Variants in DLGAP2 observed in about 807,000 individuals in gnomAD.
The protein encoded by DLGAP2 is DLG associated protein 2.
In DLGAP2, 26 loss-of-function variants were observed where a neutral mutation model predicts 100.3. The ratio of observed to expected loss-of-function variants is 0.26; its 90% CI spans 0.19 to 0.36. The LOEUF is 0.36. DLGAP2 is among the 10% of genes least tolerant of loss of function. DLGAP2 has a pLI of 1.00. For synonymous variants in DLGAP2, 886 were observed against 630.1 expected, an observed-to-expected ratio of 1.41 and a Z score of -6.08; for missense variants, 1,858 against 1,453.2, an observed-to-expected ratio of 1.28 and a Z score of -4.53.
At chr8:958,233 G>C (rs1011054583) in intron 2 of DLGAP2, among the ~76,000 whole-genome samples, 5 of 152,118 alleles carry the variant, frequency 3.3e-5, no homozygotes, top group Non-Finnish European at 7.3e-5. Context: ...TTATATGTCT[G>C]AACAGTAATC....
chr8:1,330,092 G>A (rs1312070340), intron 3 of DLGAP2, among the ~76,000 whole-genome samples: 6 of 152,348 alleles, frequency 3.9e-5, no homozygotes, highest in Non-Finnish European at 7.3e-5. Context: ...ATGTGGGGTC[G>A]AGGTTTCTTT....
chr8:885,984 C>T (rs942103175), intron 1 of DLGAP2, among the ~76,000 whole-genome samples: 2 of 152,118 alleles, frequency 1.3e-5, no homozygotes, highest in African/African-American at 2.4e-5. Flanking sequence ...GGTACCAGTG[C>T]CTGTTTGTAT....
chr8:1,245,966 C>T (rs73168466), intron 2 of DLGAP2, among the ~76,000 whole-genome samples: 16,128 of 152,086 alleles, frequency 0.11, 989 homozygotes, highest in South Asian at 0.16. Flanking sequence ...AAGGCCTCAG[C>T]ATTTAGGAAA....
At chr8:1,203,105 T>G (rs1201710133) in intron 2 of DLGAP2, among the ~76,000 whole-genome samples, 1 of 144,210 alleles carries the variant, frequency 6.9e-6, no homozygotes, top group Non-Finnish European at 1.5e-5. Flanking sequence ...TCTCTTAGGG[T>G]TTTTGTTTGT....
chr8:1,410,695 A>G (rs1796703710), intron 3 of DLGAP2, among the ~76,000 whole-genome samples: 2 of 152,206 alleles, frequency 1.3e-5, no homozygotes, highest in African/African-American at 2.4e-5. Context: ...GGGACACCCC[A>G]TGGGCCTGCG....
Position 979,643 on chromosome 8 carries a change from C to G in DLGAP2, c.73+71677C>G, listed in dbSNP as rs547225113. Among the ~76,000 whole-genome samples, 38 of 152,322 alleles carry G rather than the reference C, an allele frequency of 2.5e-4. 3 individuals are homozygous for G. The highest frequency in any genetic ancestry group is 1.4e-3 in the Admixed American group (21 of 15,302). ...ATCCTACTTTGAAATGAGAACTGCC[C>G]TCTGAGCGTCAGGAAGGGGTTGGAT... is the stretch of plus-strand genomic sequence containing the variant. On this transcript the variant is annotated intron_variant, in intron 2 of 14. Transcript: ENST00000637795.
chr8:1,193,050 A>G (rs923327540), intron 2 of DLGAP2, among the ~76,000 whole-genome samples: 2 of 151,978 alleles, frequency 1.3e-5, no homozygotes, highest in Non-Finnish European at 2.9e-5. Context: ...TATGTGCCAC[A>G]TTTTCTTAAT....
At chr8:1,256,407 G>A (rs78289353) in intron 2 of DLGAP2, among the ~76,000 whole-genome samples, 6 of 113,634 alleles carry the variant, frequency 5.3e-5, no homozygotes, top group East Asian at 3.0e-4. Context: ...TGTGTGTGCC[G>A]TCTTATCCTG....
chr8:1,187,959 C>T (rs1433871358), intron 2 of DLGAP2, among the ~76,000 whole-genome samples: 1 of 123,482 alleles, frequency 8.1e-6, no homozygotes, highest in Non-Finnish European at 1.6e-5. Flanking sequence ...TGACGTTTCC[C>T]TCACGGAATC....
chr8:985,488 A>G (rs920479433), intron 2 of DLGAP2, among the ~76,000 whole-genome samples: 1 of 152,222 alleles, frequency 6.6e-6, no homozygotes, highest in South Asian at 2.1e-4. Flanking sequence ...CAAAGATGTT[A>G]ATTTCCCTGG....
At position 1,064,384 on chromosome 8, in the gene DLGAP2, C is replaced by T. The variant is rs185165982; in HGVS notation, c.73+156418C>T. 8.6e-4 allele frequency among the ~76,000 whole-genome samples: 131 copies of T among 152,296 alleles called. 1 individual carries two copies. The highest frequency in any genetic ancestry group is 3.0e-3 in the African/African-American group (125 of 41,568). The stretch of plus-strand genomic sequence containing the variant: ...ATGTCAGGCAACCTGTTTCATACAA[C>T]CAAACCAGGGTGCTGTTTGGGGATG... On this transcript the variant is annotated intron_variant, in intron 2 of 14. Coordinates refer to ENST00000637795, the MANE Select transcript of DLGAP2 (RefSeq NM_001346810.2).
At chr8:1,087,072 G>T (rs1803996852) in intron 2 of DLGAP2, among the ~76,000 whole-genome samples, 1 of 152,120 alleles carries the variant, frequency 6.6e-6, no homozygotes, top group Non-Finnish European at 1.5e-5. Flanking sequence ...TGACCACAAT[G>T]ATATGAAACT....
chr8:1,276,379 T>C (rs1320583429), intron 3 of DLGAP2, among the ~76,000 whole-genome samples: 2 of 152,068 alleles, frequency 1.3e-5, no homozygotes, highest in African/African-American at 4.8e-5. Flanking sequence ...CACTATCAGA[T>C]GGAACCGTTT....
At chr8:1,368,385 A>G (rs1020192358) in intron 3 of DLGAP2, among the ~76,000 whole-genome samples, 4 of 151,762 alleles carry the variant, frequency 2.6e-5, no homozygotes, top group Non-Finnish European at 5.9e-5. Context: ...GCATATGTGC[A>G]TGTGTGTGGG....
intron 1 of DLGAP2, among the ~76,000 whole-genome samples, chr8:781,482 T>C (rs1821685364): frequency 6.6e-6 from 1 of 152,132 alleles, no homozygotes; most frequent in African/African-American, 2.4e-5. Context: ...TGAAAGCATT[T>C]TGAGACTTGC....
At chr8:1,632,701 G>A in intron 7 of DLGAP2, 126 bp from the exon 8 acceptor site, 1 of 894,746 alleles carries the variant, frequency 1.1e-6, no homozygotes, top group Non-Finnish European at 1.7e-6. Context: ...CTGACTTCAG[G>A]TTAACTGTGC....
At chr8:1,201,751 C>G (rs181627491) in intron 2 of DLGAP2, among the ~76,000 whole-genome samples, 1 of 152,198 alleles carries the variant, frequency 6.6e-6, no homozygotes, top group Non-Finnish European at 1.5e-5. Context: ...GGCTTGTGTG[C>G]TGTGCCCTCC....
chr8:1,288,033 AGTGTGT>A (rs1243709084), intron 3 of DLGAP2, among the ~76,000 whole-genome samples: 3 of 99,190 alleles, frequency 3.0e-5, no homozygotes, highest in South Asian at 4.0e-4. Flanking sequence ...GTTTCGGTTG[AGTGTGT>A]GTGTGTGTGT....
intron 3 of DLGAP2, among the ~76,000 whole-genome samples, chr8:1,297,410 A>G (rs1328707319): frequency 6.6e-6 from 1 of 152,206 alleles, no homozygotes; most frequent in African/African-American, 2.4e-5. Context: ...TGTGGTGAGA[A>G]ACGTGGCATG....
Sources: gnomAD v4.1 joint callset for allele counts (sites outside exome capture counted in the v4.1 genomes callset) on GRCh38, gnomAD v4.1.1 for gene constraint, MANE v1.5 for transcripts, NCBI Gene and HGNC (gene_info 2026-07-23, HGNC 2026-07-21) for gene names.